PAQR8: variants seen among roughly 807,000 people sequenced by gnomAD.
PAQR8 encodes membrane progestin receptor beta.
In PAQR8, 17 loss-of-function variants were observed where a neutral mutation model predicts 25.2. That is an observed-to-expected ratio of 0.67 (90% CI 0.46 to 1.01). The LOEUF is 1.01. Among genes scored for constraint, PAQR8 ranks in the 50% least tolerant of loss-of-function variants. PAQR8 has a pLI of 0.00. For synonymous variants in PAQR8, 204 were observed against 190.6 expected, an observed-to-expected ratio of 1.07 and a Z score of -0.58; for missense variants, 392 against 448.4, an observed-to-expected ratio of 0.87 and a Z score of 1.14.
rs756398867 is a variant in PAQR8 at position 52,403,435 on chromosome 6, C to T, written c.222C>T (p.Asn74=). The change falls in exon 2 of 2, where the codon AAC becomes AAT. Residue 74 remains asparagine (N), a synonymous_variant. Transcript: ENST00000442253. The part of the protein sequence containing the change: ...YYFFSLFQKH[N]EVVNVWTHLL... The stretch of plus-strand genomic sequence containing the variant: ...TCTTCAGCCTCTTTCAGAAACACAA[C>T]GAGGTGGTCAACGTCTGGACCCATT... The T allele has an allele frequency of 5.0e-6, 8 of 1,614,144 alleles. No homozygotes were observed. The East Asian group carries it at 8.9e-5, about 18-fold the overall frequency.
intron 1 of PAQR8, among the ~76,000 whole-genome samples, chr6:52,364,103 T>TTTTTG (rs59464397): frequency 7.2e-6 from 1 of 138,960 alleles, no homozygotes; most frequent in Non-Finnish European, 1.5e-5. Flanking sequence ...TTTTTTTTTT[T>TTTTTG]GCGGGTGTGT....
At chr6:52,363,657 T>G (rs1763316915) in intron 1 of PAQR8, among the ~76,000 whole-genome samples, 1 of 152,186 alleles carries the variant, frequency 6.6e-6, no homozygotes, top group African/African-American at 2.4e-5. Context: ...TGGGAGTATT[T>G]GCTTGTCAGT....
intron 1 of PAQR8, among the ~76,000 whole-genome samples, chr6:52,379,760 G>A (rs1763532360): frequency 6.6e-6 from 1 of 151,770 alleles, no homozygotes; most frequent in Non-Finnish European, 1.5e-5. Flanking sequence ...CGAAGTAGCT[G>A]GGACTATAGG....
At chr6:52,374,757 A>C (rs1763463268) in intron 1 of PAQR8, among the ~76,000 whole-genome samples, 1 of 151,894 alleles carries the variant, frequency 6.6e-6, no homozygotes, top group Non-Finnish European at 1.5e-5. Context: ...CTGTCCCATC[A>C]CAGAAGCCAT....
intron 1 of PAQR8, among the ~76,000 whole-genome samples, chr6:52,383,660 C>A (rs79990138): frequency 3.0e-3 from 382 of 127,968 alleles, no homozygotes; most frequent in East Asian, 4.5e-3. Flanking sequence ...GAGTCCGTCT[C>A]AAAAAAAAAA....
In PAQR8 at chr6:52,403,995, T is replaced by A. The variant is rs1030467223; in HGVS notation, c.782T>A (p.Phe261Tyr). 1.9e-6 allele frequency: 3 copies of A among 1,614,198 alleles called. No homozygotes were observed. Among genetic ancestry groups the A allele is most frequent in the Non-Finnish European group, 2.5e-6 (3 of 1,180,026 alleles). The stretch of plus-strand genomic sequence containing the variant: ...CTCTTCTTCCTGGTTAGCGCTTATT[T>A]CTTCTCCTGCCCCGTGCCTGAGAAG... ...QILFFLVSAYFFSCPVPEKYF... is the reference protein window; with the variant it reads ...QILFFLVSAYYFSCPVPEKYF... Residue 261 changes from phenylalanine to tyrosine, a missense_variant, in exon 2 of 2, where the codon TTC becomes TAC. By Grantham distance (22) the Phe-to-Tyr change is conservative (BLOSUM62 3). Transcript: ENST00000442253.
chr6:52,368,461 C>T (rs922301175), intron 1 of PAQR8, among the ~76,000 whole-genome samples: 1 of 151,312 alleles, frequency 6.6e-6, no homozygotes, highest in Non-Finnish European at 1.5e-5. Context: ...GGACCACTGC[C>T]GTGTGAAATG....
chr6:52,389,871 G>A (rs1763678922), intron 1 of PAQR8, among the ~76,000 whole-genome samples: 1 of 152,214 alleles, frequency 6.6e-6, no homozygotes, highest in Admixed American at 6.5e-5. Context: ...GTCCCAGCTG[G>A]TTTGCAGATC....
intron 1 of PAQR8, among the ~76,000 whole-genome samples, chr6:52,396,865 A>G (rs552562908): frequency 6.6e-6 from 1 of 152,350 alleles, no homozygotes; most frequent in Admixed American, 6.5e-5. Context: ...TTTTGGACAC[A>G]TCTAGAGAAG....
rs921138137 is a variant in PAQR8, at chr6:52,406,707, C to T, written c.*2429C>T. 1.8e-4 allele frequency: 74 copies of T among 401,606 alleles called. No individual in the cohort carries two copies. The highest frequency in any genetic ancestry group is 1.1e-3 in the African/African-American group (52 of 48,490). The allele number at this position is 401,606 out of a possible 1,614,324, so 24.9% of individuals were successfully genotyped here. A position where few individuals can be genotyped will look rare whatever the true frequency, so the allele number is the denominator to read the frequency against. On this transcript the variant is annotated 3_prime_UTR_variant, in exon 2 of 2. Transcript: ENST00000442253. ...CCTCCTAAGTACCTGGTACTACAGG[C>T]GCGTGCCACCACACCTGGCTAATTT...
chr6:52,379,189 C>T (rs1485080813), intron 1 of PAQR8, among the ~76,000 whole-genome samples: 1 of 150,340 alleles, frequency 6.7e-6, no homozygotes, highest in African/African-American at 2.5e-5. Flanking sequence ...AAGCCAGTCA[C>T]AAAAGGAAAG....
At chr6:52,367,986 T>A (rs1763372433) in intron 1 of PAQR8, among the ~76,000 whole-genome samples, 1 of 152,100 alleles carries the variant, frequency 6.6e-6, no homozygotes, top group African/African-American at 2.4e-5. Context: ...CCCAGCACTT[T>A]GGGAAGCTGA....
chr6:52,400,665 T>C (rs79608007), intron 1 of PAQR8, among the ~76,000 whole-genome samples: 7,087 of 152,366 alleles, frequency 0.047, 218 homozygotes, highest in South Asian at 0.089. Context: ...GATTTTTCCT[T>C]CAAGATTCAG....
At chr6:52,380,278 A>G (rs559580825) in intron 1 of PAQR8, among the ~76,000 whole-genome samples, 2 of 152,342 alleles carry the variant, frequency 1.3e-5, no homozygotes, top group South Asian at 2.1e-4. Flanking sequence ...CTTGGCTACT[A>G]TTAAAATCTG....
At chr6:52,368,899 C>T (rs1275550407) in intron 1 of PAQR8, among the ~76,000 whole-genome samples, 1 of 151,980 alleles carries the variant, frequency 6.6e-6, no homozygotes, top group Non-Finnish European at 1.5e-5. Flanking sequence ...GGCAGTTTTC[C>T]CCATGCTGTT....
intron 1 of PAQR8, among the ~76,000 whole-genome samples, chr6:52,401,153 T>G (rs868059947): frequency 5.3e-5 from 8 of 152,226 alleles, no homozygotes; most frequent in South Asian, 2.1e-4. Flanking sequence ...TTAATTTTCA[T>G]GCCCTACACT....
intron 1 of PAQR8, among the ~76,000 whole-genome samples, chr6:52,375,460 A>G (rs534159558): frequency 6.6e-6 from 1 of 152,312 alleles, no homozygotes; most frequent in Admixed American, 6.5e-5. Context: ...ACATTACCAC[A>G]TAGATGCCAA....
chr6:52,372,733 CAT>C (rs61001949), intron 1 of PAQR8, among the ~76,000 whole-genome samples: 108,230 of 145,266 alleles, frequency 0.75, 40,459 homozygotes, highest in African/African-American at 0.83. Flanking sequence ...TGGCCAACTC[CAT>C]ATATATATAT....
chr6:52,365,819 T>A (rs1427481911), intron 1 of PAQR8, among the ~76,000 whole-genome samples: 1 of 152,216 alleles, frequency 6.6e-6, no homozygotes, highest in Non-Finnish European at 1.5e-5. Context: ...TGCTCCCAGT[T>A]ACTTTCTTTT....
Sources: gnomAD v4.1 joint callset for allele counts (sites outside exome capture counted in the v4.1 genomes callset) on GRCh38, gnomAD v4.1.1 for gene constraint, MANE v1.5 for transcripts, NCBI Gene and HGNC (gene_info 2026-07-23, HGNC 2026-07-21) for gene names.